FTO: variants seen among roughly 807,000 people sequenced by gnomAD.
FTO encodes alpha-ketoglutarate-dependent dioxygenase FTO.
Under a neutral mutation model 63.9 loss-of-function variants are expected in FTO, and 47 were observed. The observed-to-expected ratio is 0.74, with a 90% CI of 0.58 to 0.94. FTO has a LOEUF of 0.94. FTO is among the 40% of genes least tolerant of loss of function. FTO has a pLI of 0.00. For synonymous variants in FTO, 207 were observed against 224.4 expected (o/e 0.92, Z 0.69); for missense variants, 562 against 618.1 (o/e 0.91, Z 0.96).
In FTO at chr16:54,083,990, T is replaced by G. The variant is rs1567561514; in HGVS notation, c.1365-27772T>G. 2.6e-5 allele frequency among the ~76,000 whole-genome samples: 4 copies of G among 152,274 alleles called. No individual in the cohort carries two copies. In the South Asian group the frequency reaches 8.3e-4, roughly 32 times the overall value. On this transcript the variant is annotated intron_variant, in intron 8 of 8. Coordinates refer to ENST00000471389, the MANE Select transcript of FTO (RefSeq NM_001080432.3). The stretch of plus-strand genomic sequence containing the variant: ...TCCGAAATGCTCCAAAATCCAAAAC[T>G]TTTTGAGCACCAGCATGATGCTGAA...
intron 8 of FTO, among the ~76,000 whole-genome samples, chr16:54,104,568 C>T (rs879803585): frequency 6.6e-6 from 1 of 152,078 alleles, no homozygotes; most frequent in Non-Finnish European, 1.5e-5. Context: ...ACCTCAGCCT[C>T]CCAAAGTGCT....
chr16:53,708,403 A>G (rs2075680040), intron 1 of FTO, among the ~76,000 whole-genome samples: 1 of 151,946 alleles, frequency 6.6e-6, no homozygotes, highest in Admixed American at 6.6e-5. Flanking sequence ...GATATACCAT[A>G]TTTTGTTTAT....
chr16:53,789,537 A>G (rs955506370), intron 1 of FTO, among the ~76,000 whole-genome samples: 1 of 152,182 alleles, frequency 6.6e-6, no homozygotes, highest in East Asian at 1.9e-4. Context: ...CCAAAAAATC[A>G]TGTATGGTTG....
intron 8 of FTO, among the ~76,000 whole-genome samples, chr16:54,058,315 G>T (rs1455135720): frequency 6.6e-6 from 1 of 152,052 alleles, no homozygotes; most frequent in African/African-American, 2.4e-5. Context: ...TAGAGATGGG[G>T]TTTTGCCATG....
At chr16:53,819,562 A>T (rs1408950250) in intron 2 of FTO, among the ~76,000 whole-genome samples, 1 of 152,010 alleles carries the variant, frequency 6.6e-6, no homozygotes, top group East Asian at 1.9e-4. Context: ...ATGGTTCTGC[A>T]TTAATGTTTC....
At chr16:53,994,023 G>A (rs1484292818) in intron 8 of FTO, 1 of 152,120 alleles carries the variant, frequency 6.6e-6, no homozygotes, top group East Asian at 1.9e-4. Flanking sequence ...AGTAATTTTT[G>A]GAGTGCTGCA....
At chr16:53,757,748 G>T (rs138072407) in intron 1 of FTO, among the ~76,000 whole-genome samples, 4 of 152,252 alleles carry the variant, frequency 2.6e-5, no homozygotes, top group African/African-American at 9.6e-5. Context: ...GTCCCTATGG[G>T]AATTCAAAGG....
intron 1 of FTO, among the ~76,000 whole-genome samples, chr16:53,710,170 T>G (rs2075731526): frequency 6.7e-6 from 1 of 149,626 alleles, no homozygotes; most frequent in Admixed American, 6.6e-5. Context: ...AAGCTATCTT[T>G]TATTTATTTA....
chr16:53,746,741 T>C (rs1465919637), intron 1 of FTO, among the ~76,000 whole-genome samples: 1 of 152,186 alleles, frequency 6.6e-6, no homozygotes, highest in African/African-American at 2.4e-5. Flanking sequence ...ATATATAATA[T>C]GTTATTATTT....
At chr16:53,823,193 T>C (rs1247921144) in intron 2 of FTO, among the ~76,000 whole-genome samples, 2 of 152,194 alleles carry the variant, frequency 1.3e-5, no homozygotes, top group Admixed American at 6.5e-5. Flanking sequence ...ATCTACTGGA[T>C]CATCTGTCTT....
At chr16:54,060,518 G>A (rs1262119283) in intron 8 of FTO, among the ~76,000 whole-genome samples, 2 of 152,176 alleles carry the variant, frequency 1.3e-5, no homozygotes, top group South Asian at 4.1e-4. Context: ...GAAAGGTGAA[G>A]GGTCTAACAA....
chr16:53,997,092 A>G (rs1436178500), intron 8 of FTO, among the ~76,000 whole-genome samples: 3 of 151,258 alleles, frequency 2.0e-5, no homozygotes, highest in Non-Finnish European at 4.4e-5. Context: ...CAGGCAATGG[A>G]GTGGAGCAAG....
At chr16:53,801,572 A>C (rs938071533) in intron 1 of FTO, among the ~76,000 whole-genome samples, 2 of 151,562 alleles carry the variant, frequency 1.3e-5, no homozygotes, top group Non-Finnish European at 2.9e-5. Context: ...TTTTCTTTCC[A>C]CCTGAAGATC....
intron 7 of FTO, among the ~76,000 whole-genome samples, chr16:53,889,740 C>T (rs1177840961): frequency 6.6e-6 from 1 of 151,868 alleles, no homozygotes; most frequent in Non-Finnish European, 1.5e-5. Flanking sequence ...GTGACCAGAG[C>T]AAGTAGTGCA....
intron 8 of FTO, among the ~76,000 whole-genome samples, chr16:54,003,116 C>T (rs189580012): frequency 2.0e-4 from 30 of 152,328 alleles, no homozygotes; most frequent in Admixed American, 1.6e-3. Flanking sequence ...CTGGGAAGAA[C>T]TAAAGAGATA....
At chr16:53,839,749 A>G (rs566641008) in intron 3 of FTO, among the ~76,000 whole-genome samples, 2 of 149,330 alleles carry the variant, frequency 1.3e-5, no homozygotes, top group Non-Finnish European at 3.0e-5. Context: ...TATTTTTTTC[A>G]AGTCATTATA....
Position 54,017,423 on chromosome 16 carries a change from C to T in FTO, c.1364+83314C>T, listed in dbSNP as rs1392627802. Among the ~76,000 whole-genome samples, 8 of 151,696 alleles carry T rather than the reference C, an allele frequency of 5.3e-5. No individual in the cohort carries two copies. The East Asian group carries it at 1.6e-3, about 30-fold the overall frequency. ...TTCTTTGGGACTCTGTCAACAGTGC[C>T]ATTGTTGGCTTACATTAGAAGGAGC... On this transcript the variant is annotated intron_variant, in intron 8 of 8. Coordinates refer to ENST00000471389, the MANE Select transcript of FTO (RefSeq NM_001080432.3).
intron 8 of FTO, among the ~76,000 whole-genome samples, chr16:53,958,970 C>G (rs1252695906): frequency 6.6e-6 from 1 of 152,076 alleles, no homozygotes; most frequent in Non-Finnish European, 1.5e-5. Context: ...CTCATTGAAC[C>G]CCTACAAAAG....
At chr16:53,733,041 T>G (rs1229779664) in intron 1 of FTO, among the ~76,000 whole-genome samples, 1 of 152,206 alleles carries the variant, frequency 6.6e-6, no homozygotes, top group African/African-American at 2.4e-5. Context: ...CTTTTCTGTC[T>G]TTTTAAATTT....
Sources: allele counts gnomAD v4.1 joint callset (sites outside exome capture counted in the v4.1 genomes callset), GRCh38; gene constraint gnomAD v4.1.1; transcripts MANE v1.5; gene names NCBI Gene and HGNC (gene_info 2026-07-23, HGNC 2026-07-21).